INSL6: variants seen among roughly 807,000 people sequenced by gnomAD.
INSL6 encodes the protein insulin-like peptide INSL6.
A neutral mutation model predicts 9.4 loss-of-function variants in INSL6; 16 were observed. The observed-to-expected ratio is 1.70, with a 90% confidence interval of 1.15 to 2.59. The LOEUF (loss-of-function observed/expected upper bound fraction) is 2.59, where lower values mean the gene tolerates loss of function less well. Ranked by LOEUF, INSL6 falls within the 30% of genes most tolerant of loss-of-function variation. The pLI, the probability that INSL6 is intolerant of heterozygous loss-of-function variation, is 0.00. For synonymous variants in INSL6, 154 were observed against 96.9 expected (o/e 1.59, Z -3.46); for missense variants, 391 against 257.3 (o/e 1.52, Z -3.56).
the INSL6 span, chr9:5,109,468 AT>A: frequency 3.3e-5 from 5 of 152,172 alleles, no homozygotes; most frequent in East Asian, 9.6e-4. Flanking sequence ...AACCAAAAAC[AT>A]TGGTGCAACT....
chr9:5,083,174 C>T, the INSL6 span, among the ~76,000 whole-genome samples: 1 of 151,160 alleles, frequency 6.6e-6, no homozygotes, highest in Non-Finnish European at 1.5e-5. Context: ...GCTTTTCTGC[C>T]TGCCTTTCTG....
chr9:5,072,248 G>A, the INSL6 span, among the ~76,000 whole-genome samples: 1 of 150,832 alleles, frequency 6.6e-6, no homozygotes, highest in Non-Finnish European at 1.5e-5. Context: ...GCCCATTCAG[G>A]AGATTTCAAA....
intron 2 of INSL6, among the ~76,000 whole-genome samples, chr9:5,157,275 G>T (rs1410461207): frequency 6.6e-6 from 1 of 151,928 alleles, no homozygotes; most frequent in South Asian, 2.1e-4. Context: ...AAATACAAAG[G>T]CTCAACAATA....
At chr9:5,143,822 G>A (rs570290278) in intron 2 of INSL6, among the ~76,000 whole-genome samples, 3 of 148,300 alleles carry the variant, frequency 2.0e-5, no homozygotes, top group African/African-American at 7.5e-5. Context: ...CCCACACCCT[G>A]CTAATTTTTG....
the INSL6 span, chr9:5,109,746 T>G: frequency 6.6e-6 from 1 of 152,220 alleles, no homozygotes; most frequent in African/African-American, 2.4e-5. Flanking sequence ...CCATAATATT[T>G]ATTCTAGTAG....
At chr9:5,110,273 C>T in the INSL6 span, 2 of 152,168 alleles carry the variant, frequency 1.3e-5, no homozygotes, top group African/African-American at 4.8e-5. Flanking sequence ...TAGAAAATAA[C>T]CTCTGAACCC....
intron 1 of INSL6, among the ~76,000 whole-genome samples, chr9:5,181,345 T>C (rs1375724914): frequency 6.6e-6 from 1 of 151,548 alleles, no homozygotes; most frequent in Non-Finnish European, 1.5e-5. Flanking sequence ...AAATGACCAA[T>C]TAAATAAAAT....
chr9:5,064,858 ATTTC>A, the INSL6 span: 94 of 1,493,490 alleles, frequency 6.3e-5, no homozygotes, highest in Non-Finnish European at 8.1e-5. Flanking sequence ...AAAAGGTGCT[ATTTC>A]TTTTTCTTTT....
At chr9:5,055,243 AATAT>A in the INSL6 span, among the ~76,000 whole-genome samples, 1 of 152,094 alleles carries the variant, frequency 6.6e-6, no homozygotes, top group Non-Finnish European at 1.5e-5. Context: ...ATTTTATGAT[AATAT>A]ATACCTGCTA....
intron 1 of INSL6, among the ~76,000 whole-genome samples, chr9:5,173,037 T>C (rs1825217515): frequency 6.6e-6 from 1 of 151,870 alleles, no homozygotes; most frequent in African/African-American, 2.4e-5. Context: ...CAATGATCAT[T>C]AGAGAAATGC....
intron 2 of INSL6, among the ~76,000 whole-genome samples, chr9:5,141,320 C>G (rs1824494183): frequency 1.3e-5 from 2 of 152,160 alleles, no homozygotes; most frequent in Non-Finnish European, 2.9e-5. Flanking sequence ...ACACTCCTAC[C>G]AGCAGTGTAA....
At chr9:5,126,120 T>G (rs1823977837) in intron 3 of INSL6, 2 of 418,484 alleles carry the variant, frequency 4.8e-6, no homozygotes, top group African/African-American at 2.1e-5. Context: ...GGATTTGTGT[T>G]GAGTTTATTA....
At chr9:5,028,200 G>C in the INSL6 span, among the ~76,000 whole-genome samples, 3 of 152,208 alleles carry the variant, frequency 2.0e-5, no homozygotes, top group African/African-American at 7.2e-5. Context: ...TGGATGTTGT[G>C]TTAGCAGGCA....
At chr9:5,137,084 A>G (rs1359545040) in intron 2 of INSL6, among the ~76,000 whole-genome samples, 3 of 152,214 alleles carry the variant, frequency 2.0e-5, no homozygotes, top group Non-Finnish European at 4.4e-5. Flanking sequence ...CTCTTCAAGG[A>G]GAACTACAAA....
the INSL6 span, among the ~76,000 whole-genome samples, chr9:5,116,962 A>G: frequency 6.6e-6 from 1 of 152,376 alleles, no homozygotes; most frequent in East Asian, 1.9e-4. Flanking sequence ...CTAAGATGAC[A>G]TTTCAACGAT....
the INSL6 span, among the ~76,000 whole-genome samples, chr9:5,022,646 A>G: frequency 1.1e-4 from 16 of 152,200 alleles, no homozygotes; most frequent in African/African-American, 1.7e-4. Context: ...ACCTCTGCCA[A>G]TCTTTCCTCA....
the INSL6 span, among the ~76,000 whole-genome samples, chr9:5,002,300 C>T: frequency 6.6e-6 from 1 of 151,826 alleles, no homozygotes; most frequent in Non-Finnish European, 1.5e-5. Context: ...TCTCTCTAAC[C>T]ACTATTTTAG....
At chr9:5,047,320 G>C in the INSL6 span, among the ~76,000 whole-genome samples, 1 of 152,126 alleles carries the variant, frequency 6.6e-6, no homozygotes, top group African/African-American at 2.4e-5. Flanking sequence ...TGTCTTTAAA[G>C]TTCTTAAGAC....
At chr9:5,049,408 G>A in the INSL6 span, among the ~76,000 whole-genome samples, 1 of 152,142 alleles carries the variant, frequency 6.6e-6, no homozygotes, top group African/African-American at 2.4e-5. Context: ...CATATCTGGT[G>A]CTTTTGTGTG....
Sources: gnomAD v4.1 joint callset for allele counts (sites outside exome capture counted in the v4.1 genomes callset) on GRCh38, gnomAD v4.1.1 for gene constraint, MANE v1.5 for transcripts, NCBI Gene and HGNC (gene_info 2026-07-23, HGNC 2026-07-21) for gene names.